The following KCNG2 variants were observed in gnomAD, a reference collection of about 807,000 sequenced individuals.
KCNG2 encodes potassium voltage-gated channel modifier subfamily G member 2.
KCNG2 carries 7 observed loss-of-function variants against 12.3 expected under a neutral mutation model. The observed-to-expected ratio is 0.57, with a 90% confidence interval of 0.32 to 1.07. KCNG2 has a LOEUF of 1.07. KCNG2 is among the 50% of genes least tolerant of loss of function. KCNG2 has a pLI of 0.04. For missense variants in KCNG2, 703 were observed against 726.0 expected (o/e 0.97, Z 0.36); for synonymous variants, 414 against 351.4 (o/e 1.18, Z -1.99).
intron 1 of KCNG2, among the ~76,000 whole-genome samples, chr18:79,837,703 G>T (rs1392482402): frequency 2.0e-5 from 3 of 152,196 alleles, no homozygotes; most frequent in Non-Finnish European, 4.4e-5. Context: ...ATCTCTATCA[G>T]TATTTTGGTC....
intron 1 of KCNG2, among the ~76,000 whole-genome samples, chr18:79,824,037 C>G (rs1228343018): frequency 6.6e-6 from 1 of 152,190 alleles, no homozygotes; most frequent in African/African-American, 2.4e-5. Flanking sequence ...AGATCTCACT[C>G]TGTCACCCAG....
At chr18:79,829,533 G>A (rs1445262143) in intron 1 of KCNG2, among the ~76,000 whole-genome samples, 3 of 152,032 alleles carry the variant, frequency 2.0e-5, no homozygotes, top group East Asian at 1.9e-4. Context: ...GCCTCCCTAC[G>A]GCCGGTGGGT....
rs1568265462 is a variant in KCNG2, at chr18:79,872,287, T to TTTTTTTTTG, written c.624+8004_624+8005insGTTTTTTTT. On this transcript the variant is annotated intron_variant, in intron 3 of 3. Transcript: ENST00000316249. ...AAAAGCTTCAAAGCTTCAGTTTTTT[T>TTTTTTTTTG]TTTTTTTTTTTTTTTTGAGATGGAG... 1.1e-4 allele frequency among the ~76,000 whole-genome samples: 13 copies of TTTTTTTTTG among 113,572 alleles called. 3 individuals are homozygous for TTTTTTTTTG. In the South Asian group the frequency reaches 1.4e-3, roughly 12 times the overall value. The allele number at this position is 113,572 out of a possible 152,430, so 74.5% of individuals were successfully genotyped here.
At position 79,864,150 on chromosome 18, in the gene KCNG2, G is replaced by T. The variant is rs745826206; in HGVS notation, c.483G>T (p.Arg161=). The T allele has an allele frequency of 1.7e-5, 25 of 1,429,482 alleles. No homozygotes were observed. In the South Asian group the frequency reaches 3.3e-4, roughly 19 times the overall value. 88.5% of individuals were successfully genotyped at this position (1,429,482 alleles called of 1,614,324 possible). A position where few individuals can be genotyped will look rare whatever the true frequency, so the allele number is the denominator to read the frequency against. Residue 161 remains arginine (R), a synonymous_variant, in exon 3 of 4, where the codon CGG becomes CGT. Coordinates refer to ENST00000316249, the MANE Select transcript of KCNG2 (RefSeq NM_012283.2). The part of the protein sequence containing the change: ...GPRGRLQRGR[R]RLRDVVDNPH... ...GGGGGCGGCTGCAGCGCGGCCGGCG[G>T]CGCCTGCGCGACGTGGTGGACAACC...
chr18:79,826,711 G>A (rs1328323319), intron 1 of KCNG2, among the ~76,000 whole-genome samples: 1 of 147,438 alleles, frequency 6.8e-6, no homozygotes, highest in Admixed American at 6.8e-5. Context: ...TTAGTTCGGC[G>A]CGTTACGTCA....
At chr18:79,871,186 C>T (rs1167606935) in intron 3 of KCNG2, among the ~76,000 whole-genome samples, 1 of 152,252 alleles carries the variant, frequency 6.6e-6, no homozygotes, top group Non-Finnish European at 1.5e-5. Context: ...TGAGGGTGTT[C>T]TGTCCACCTG....
At chr18:79,896,991 C>G (rs1173663118) in intron 3 of KCNG2, among the ~76,000 whole-genome samples, 1 of 152,168 alleles carries the variant, frequency 6.6e-6, no homozygotes, top group East Asian at 1.9e-4. Context: ...TCATTTTGCT[C>G]TTGCTGCTTC....
intron 1 of KCNG2, among the ~76,000 whole-genome samples, chr18:79,830,273 AG>A (rs1978291881): frequency 6.6e-6 from 1 of 152,148 alleles, no homozygotes. Context: ...GTGTTGTTTC[AG>A]GGGTTTGAGA....
In KCNG2 at chr18:79,804,493, A is replaced by G. The variant is rs903217003; in HGVS notation, c.-115+6479A>G. 9.2e-5 allele frequency among the ~76,000 whole-genome samples: 14 copies of G among 152,346 alleles called. 1 individual carries two copies. The highest frequency in any genetic ancestry group is 6.8e-3 in the Middle Eastern group (2 of 294). Reference sequence around the variant, plus strand: ...GGCTGTGGCTGTGGGGGGCCCTCCCATGGGTGCTCAGGTGCACCCGTGGCC... The same window carrying G: ...GGCTGTGGCTGTGGGGGGCCCTCCCGTGGGTGCTCAGGTGCACCCGTGGCC... On this transcript the variant is annotated intron_variant, in intron 1 of 3. Coordinates refer to ENST00000316249, the MANE Select transcript of KCNG2 (RefSeq NM_012283.2).
chr18:79,879,303 C>T (rs1284834531), intron 3 of KCNG2, among the ~76,000 whole-genome samples: 1 of 152,178 alleles, frequency 6.6e-6, no homozygotes, highest in African/African-American at 2.4e-5. Flanking sequence ...GCAAGCCCCA[C>T]CCAGGCCACA....
chr18:79,855,290 G>A (rs1038737376), intron 1 of KCNG2, among the ~76,000 whole-genome samples: 1 of 152,116 alleles, frequency 6.6e-6, no homozygotes, highest in Non-Finnish European at 1.5e-5. Context: ...CTGACATTGG[G>A]CTGCAAACTT....
chr18:79,822,494 T>TAG lies in KCNG2; in HGVS notation c.-115+24481_-115+24482dup, dbSNP rs2087578885. On this transcript the variant is annotated intron_variant, in intron 1 of 3. Transcript: ENST00000316249. The surrounding 1 kb of genome is among the most constrained non-coding windows in gnomAD (Gnocchi z 4.4). The stretch of plus-strand genomic sequence containing the variant: ...TCACTCTGTCCCCCAGGCTGGAGTG[T>TAG]AGTGTTGCAGTCATGGCTCCCTGCA... Among the ~76,000 whole-genome samples, 1 of 152,066 alleles carries TAG rather than the reference T, an allele frequency of 6.6e-6. No individual in the cohort carries two copies. The highest frequency in any genetic ancestry group is 1.5e-5 in the Non-Finnish European group (1 of 68,002).
At chr18:79,873,613 T>C (rs1979950861) in intron 3 of KCNG2, among the ~76,000 whole-genome samples, 1 of 151,806 alleles carries the variant, frequency 6.6e-6, no homozygotes, top group Admixed American at 6.6e-5. Context: ...TAGCTGTCTG[T>C]TGGGGAGCCC....
chr18:79,829,969 T>G (rs1978291130), intron 1 of KCNG2, among the ~76,000 whole-genome samples: 1 of 152,256 alleles, frequency 6.6e-6, no homozygotes, highest in Non-Finnish European at 1.5e-5. Context: ...ACTTGGAGAT[T>G]CTGTGCTTTT....
chr18:79,828,442 G>A (rs541889697), intron 1 of KCNG2, among the ~76,000 whole-genome samples: 1 of 46,226 alleles, frequency 2.2e-5, no homozygotes, highest in South Asian at 1.4e-3. Flanking sequence ...GTGTGCAAGT[G>A]TGTGGTGTGT....
intron 3 of KCNG2, among the ~76,000 whole-genome samples, chr18:79,873,426 T>TCC (rs138533244): frequency 0.026 from 2,211 of 86,312 alleles, 144 homozygotes; most frequent in East Asian, 0.062. Flanking sequence ...CCGGCCCCCC[T>TCC]CCCCCCCCCC....
intron 1 of KCNG2, among the ~76,000 whole-genome samples, chr18:79,852,381 G>A (rs1978854812): frequency 6.6e-6 from 1 of 152,240 alleles, no homozygotes; most frequent in Non-Finnish European, 1.5e-5. Flanking sequence ...CTTAATCTTT[G>A]CTTTATGTCT....
intron 1 of KCNG2, among the ~76,000 whole-genome samples, chr18:79,823,679 T>C (rs2087589452): frequency 6.6e-6 from 1 of 152,238 alleles, no homozygotes; most frequent in South Asian, 2.1e-4. Flanking sequence ...TAAGAGTTCA[T>C]GCTATATGAG....
At chr18:79,834,826 G>A (rs796503005) in intron 1 of KCNG2, among the ~76,000 whole-genome samples, 15 of 152,360 alleles carry the variant, frequency 9.8e-5, no homozygotes, top group African/African-American at 3.4e-4. Flanking sequence ...GGAGGAGCTG[G>A]TTCCTGATGG....
Sources: gnomAD v4.1 joint callset for allele counts (sites outside exome capture counted in the v4.1 genomes callset) on GRCh38, gnomAD v4.1.1 for gene constraint, Gnocchi (gnomAD v3.1) non-coding constraint, MANE v1.5 for transcripts, NCBI Gene and HGNC (gene_info 2026-07-23, HGNC 2026-07-21) for gene names.